The following CAPN13 variants were observed in gnomAD, a reference collection of about 807,000 sequenced individuals.
CAPN13 encodes the protein calpain 13.
Under a neutral mutation model 98.4 loss-of-function variants are expected in CAPN13, and 90 were observed. The ratio of observed to expected loss-of-function variants is 0.92; its 90% CI spans 0.77 to 1.09. The LOEUF (loss-of-function observed/expected upper bound fraction) is 1.09, where lower values mean the gene tolerates loss of function less well. CAPN13 is among the 50% of genes least tolerant of loss of function. The pLI is 0.00. For missense variants in CAPN13, 887 were observed against 841.3 expected (o/e 1.05, Z -0.67); for synonymous variants, 330 against 305.5 (o/e 1.08, Z -0.84).
chr2:30,763,494 C>T (rs1672950208), intron 6 of CAPN13, among the ~76,000 whole-genome samples: 1 of 152,364 alleles, frequency 6.6e-6, no homozygotes, highest in East Asian at 1.9e-4. Context: ...AATCACTTGA[C>T]CCCCACATTG....
At chr2:30,775,524 A>G (rs1673642812) in intron 4 of CAPN13, among the ~76,000 whole-genome samples, 1 of 152,218 alleles carries the variant, frequency 6.6e-6, no homozygotes, top group African/African-American at 2.4e-5. Flanking sequence ...AATGTGCAAG[A>G]ATTACCAAGA....
At chr2:30,726,126 G>A (rs1670848007) in intron 22 of CAPN13, among the ~76,000 whole-genome samples, 1 of 152,192 alleles carries the variant, frequency 6.6e-6, no homozygotes, top group Non-Finnish European at 1.5e-5. Context: ...TTGTGCTAAG[G>A]AAATAGCAAC....
At chr2:30,787,767 C>T (rs79073187) in intron 1 of CAPN13, among the ~76,000 whole-genome samples, 1,832 of 151,908 alleles carry the variant, frequency 0.012, 32 homozygotes, top group African/African-American at 0.042. Context: ...GGGATGGGGG[C>T]AGAGAGGGTG....
At chr2:30,767,614 T>C (rs1365706503) in intron 5 of CAPN13, among the ~76,000 whole-genome samples, 1 of 152,210 alleles carries the variant, frequency 6.6e-6, no homozygotes, top group Non-Finnish European at 1.5e-5. Context: ...TGAATTCACC[T>C]CCCAAACATG....
chr2:30,789,200 AATTG>A (rs755928118), intron 1 of CAPN13, among the ~76,000 whole-genome samples: 1 of 152,216 alleles, frequency 6.6e-6, no homozygotes, highest in Non-Finnish European at 1.5e-5. Context: ...CAGTGATAGA[AATTG>A]ATTGTCAATT....
At chr2:30,774,199 T>C (rs1673561757) in intron 4 of CAPN13, among the ~76,000 whole-genome samples, 1 of 151,740 alleles carries the variant, frequency 6.6e-6, no homozygotes, top group African/African-American at 2.4e-5. Context: ...CAGAGGAAAG[T>C]AAAAAGACTA....
At chr2:30,783,485 GATTA>G (rs1421597950) in intron 2 of CAPN13, among the ~76,000 whole-genome samples, 1 of 152,136 alleles carries the variant, frequency 6.6e-6, no homozygotes, top group African/African-American at 2.4e-5. Context: ...TAGATTATTG[GATTA>G]ATTGTTAGAG....
At chr2:30,728,638 G>A (rs1392638142) in intron 22 of CAPN13, among the ~76,000 whole-genome samples, 5 of 152,206 alleles carry the variant, frequency 3.3e-5, no homozygotes, top group African/African-American at 4.8e-5. Context: ...GTCCAGAGGA[G>A]ACAGGCTCCT....
intron 22 of CAPN13, chr2:30,729,932 C>A (rs138471614): frequency 8.4e-4 from 128 of 152,228 alleles, no homozygotes; most frequent in African/African-American, 2.9e-3. Context: ...AGGCTTTGGG[C>A]AAAATAGCAA....
At chr2:30,799,558 T>C (rs1334132523) in intron 1 of CAPN13, among the ~76,000 whole-genome samples, 1 of 152,158 alleles carries the variant, frequency 6.6e-6, no homozygotes, top group Non-Finnish European at 1.5e-5. Context: ...TGGGCTTGAC[T>C]CCTGTCCTGC....
At chr2:30,800,170 AAG>A (rs773001721) in intron 1 of CAPN13, among the ~76,000 whole-genome samples, 6 of 151,272 alleles carry the variant, frequency 4.0e-5, no homozygotes, top group Non-Finnish European at 8.8e-5. Context: ...GAAAGAAAGA[AAG>A]AAAGAAAGAA....
chr2:30,793,219 G>T (rs76375584), intron 1 of CAPN13, among the ~76,000 whole-genome samples: 4,471 of 151,754 alleles, frequency 0.029, 246 homozygotes, highest in African/African-American at 0.1. Flanking sequence ...TATTTTGATG[G>T]TAGGAAATCT....
chr2:30,769,923 C>T lies in CAPN13; in HGVS notation c.524+390G>A, dbSNP rs532789492. 2.2e-4 allele frequency among the ~76,000 whole-genome samples: 34 copies of T among 152,274 alleles called. 1 individual carries two copies. Among genetic ancestry groups the T allele is most frequent in the Non-Finnish European group, 4.1e-4 (28 of 68,024 alleles). ...TCCCCTTGCTGAAATCCTGCCCATC[C>T]TTTGAGGCCTCACTCAAATGCCACC... On this transcript the variant is annotated intron_variant, in intron 5 of 22. Coordinates refer to ENST00000295055, the MANE Select transcript of CAPN13 (RefSeq NM_144575.3).
intron 12 of CAPN13, among the ~76,000 whole-genome samples, chr2:30,744,817 G>T (rs1228195347): frequency 3.3e-5 from 5 of 152,186 alleles, no homozygotes; most frequent in Non-Finnish European, 1.5e-5. Context: ...CCTGACTCTA[G>T]TTCTAGGGAT....
intron 2 of CAPN13, among the ~76,000 whole-genome samples, chr2:30,786,178 C>G (rs556626766): frequency 3.9e-5 from 6 of 152,314 alleles, no homozygotes; most frequent in African/African-American, 1.2e-4. Context: ...TACTCTGTAA[C>G]CTACCTTCAC....
chr2:30,753,464 C>A (rs1258590327), intron 9 of CAPN13, among the ~76,000 whole-genome samples: 1 of 152,174 alleles, frequency 6.6e-6, no homozygotes, highest in South Asian at 2.1e-4. Context: ...CCCATTGATC[C>A]GATGGTGAGC....
At chr2:30,785,636 T>C (rs1260869712) in intron 2 of CAPN13, among the ~76,000 whole-genome samples, 1 of 152,190 alleles carries the variant, frequency 6.6e-6, no homozygotes, top group African/African-American at 2.4e-5. Flanking sequence ...ACAAGTTGAG[T>C]TGTTGTGAGA....
intron 2 of CAPN13, among the ~76,000 whole-genome samples, chr2:30,782,007 G>T (rs1392706123): frequency 6.6e-6 from 1 of 152,108 alleles, no homozygotes; most frequent in African/African-American, 2.4e-5. Flanking sequence ...CTTAATTCTG[G>T]ATTGTGGAGA....
intron 22 of CAPN13, among the ~76,000 whole-genome samples, chr2:30,725,134 G>A (rs774054298): frequency 5.9e-5 from 9 of 152,168 alleles, no homozygotes; most frequent in African/African-American, 9.7e-5. Context: ...GTGATTTGCC[G>A]TGTATTAAAC....
Sources: gnomAD v4.1 joint callset for allele counts (sites outside exome capture counted in the v4.1 genomes callset) on GRCh38, gnomAD v4.1.1 for gene constraint, MANE v1.5 for transcripts, NCBI Gene and HGNC (gene_info 2026-07-23, HGNC 2026-07-21) for gene names.